Variants in BNC2 observed in about 807,000 individuals in gnomAD.
BNC2 encodes zinc finger protein basonuclin-2.
A neutral mutation model predicts 76.3 loss-of-function variants in BNC2; 20 were observed. The observed-to-expected ratio is 0.26, with a 90% CI of 0.18 to 0.38. The LOEUF (loss-of-function observed/expected upper bound fraction) is 0.38. Ranked by LOEUF, BNC2 falls within the 10% of genes least tolerant of loss-of-function variation. BNC2 has a pLI of 1.00. For synonymous variants in BNC2, 582 were observed against 514.8 expected (o/e 1.13, Z -1.77); for missense variants, 1,382 against 1,399.8 (o/e 0.99, Z 0.20).
intron 3 of BNC2, chr9:16,704,660 A>T (rs1823608688): frequency 7.0e-6 from 1 of 143,512 alleles, no homozygotes; most frequent in Non-Finnish European, 1.5e-5. Flanking sequence ...ACTAATATAA[A>T]CCGTTATTAC....
chr9:16,775,782 T>A, intron 1 of BNC2: 1 of 172,202 alleles, frequency 5.8e-6, no homozygotes. Context: ...TAAGTGTCCT[T>A]CCATCTTGAA....
At chr9:16,637,744 C>T (rs1347667938) in intron 3 of BNC2, among the ~76,000 whole-genome samples, 1 of 152,062 alleles carries the variant, frequency 6.6e-6, no homozygotes, top group African/African-American at 2.4e-5. Flanking sequence ...GAGGAGAGTG[C>T]CCCAGCTACT....
chr9:16,658,176 C>T (rs10756774), intron 3 of BNC2, among the ~76,000 whole-genome samples: 146,311 of 152,266 alleles, frequency 0.96, 70,352 homozygotes, highest in East Asian at 1. Flanking sequence ...ATCAGTAATA[C>T]ATGTAGAATG....
chr9:16,481,109 T>C (rs1397485932), intron 5 of BNC2, among the ~76,000 whole-genome samples: 1 of 152,098 alleles, frequency 6.6e-6, no homozygotes, highest in African/African-American at 2.4e-5. Context: ...TGGGCTCTGG[T>C]GGGGCCTTGG....
chr9:16,810,434 G>T (rs986849480), intron 1 of BNC2, among the ~76,000 whole-genome samples: 1 of 152,166 alleles, frequency 6.6e-6, no homozygotes, highest in East Asian at 1.9e-4. Flanking sequence ...CAGGCTAGGC[G>T]TCCCACAGAG....
intron 5 of BNC2, among the ~76,000 whole-genome samples, chr9:16,544,288 T>C (rs1362050219): frequency 6.6e-6 from 1 of 152,218 alleles, no homozygotes; most frequent in Non-Finnish European, 1.5e-5. Context: ...TCTAGATTCA[T>C]TGATCTTTCT....
At chr9:16,457,900 G>T (rs1343432670) in intron 5 of BNC2, among the ~76,000 whole-genome samples, 2 of 152,128 alleles carry the variant, frequency 1.3e-5, no homozygotes, top group Non-Finnish European at 2.9e-5. Flanking sequence ...AGATGCACTA[G>T]TGTTTCAGAT....
chr9:16,525,020 CTG>C (rs901883424), intron 5 of BNC2, among the ~76,000 whole-genome samples: 5 of 144,894 alleles, frequency 3.5e-5, no homozygotes, highest in African/African-American at 7.5e-5. Context: ...CTGCAGTGAG[CTG>C]TGATAGCGCC....
chr9:16,609,199 A>C (rs182179356), intron 3 of BNC2, among the ~76,000 whole-genome samples: 1 of 152,218 alleles, frequency 6.6e-6, no homozygotes, highest in East Asian at 1.9e-4. Flanking sequence ...CAAAAGTCTC[A>C]GACATGAAAT....
chr9:16,607,835 C>T (rs1820426836), intron 3 of BNC2, among the ~76,000 whole-genome samples: 1 of 152,094 alleles, frequency 6.6e-6, no homozygotes, highest in Non-Finnish European at 1.5e-5. Flanking sequence ...AAATTGATCT[C>T]TTTTTTAAAA....
intron 1 of BNC2, among the ~76,000 whole-genome samples, chr9:16,742,141 G>A (rs1824869995): frequency 6.6e-6 from 1 of 152,078 alleles, no homozygotes; most frequent in Non-Finnish European, 1.5e-5. Flanking sequence ...TCCCAAATTC[G>A]AAGTGTTTAG....
intron 1 of BNC2, among the ~76,000 whole-genome samples, chr9:16,813,427 G>A (rs183732527): frequency 0.012 from 1,770 of 151,844 alleles, 43 homozygotes; most frequent in African/African-American, 0.04. Context: ...CACTACGCCC[G>A]GCTAATTTTT....
At chr9:16,726,087 G>C (rs898039724) in intron 3 of BNC2, among the ~76,000 whole-genome samples, 9 of 151,982 alleles carry the variant, frequency 5.9e-5, no homozygotes, top group Non-Finnish European at 7.4e-5. Context: ...AAGTTATTTG[G>C]TACTAAGGTT....
At chr9:16,755,957 C>T (rs1825372606) in intron 1 of BNC2, among the ~76,000 whole-genome samples, 1 of 152,176 alleles carries the variant, frequency 6.6e-6, no homozygotes, top group Non-Finnish European at 1.5e-5. Context: ...AGTTCAGTCT[C>T]CAGTTTTTAC....
At chr9:16,822,085 T>G (rs1478705818) in intron 1 of BNC2, among the ~76,000 whole-genome samples, 1 of 97,148 alleles carries the variant, frequency 1.0e-5, no homozygotes, top group African/African-American at 4.3e-5. Context: ...AGAGCCAGAC[T>G]CCATCTCAAA....
At chr9:16,583,690 T>G (rs1384367200) in intron 3 of BNC2, among the ~76,000 whole-genome samples, 2 of 152,180 alleles carry the variant, frequency 1.3e-5, no homozygotes, top group Non-Finnish European at 2.9e-5. Flanking sequence ...CTATTTTCGT[T>G]CCTGTTTTGA....
At position 16,417,864 on chromosome 9, in the gene BNC2, C is replaced by A. The variant is rs1820617588; in HGVS notation, c.*1125G>T. The A allele has an allele frequency of 6.6e-6, 1 of 152,618 alleles. No individual in the cohort carries two copies. 9.5% of individuals were successfully genotyped at this position (152,618 alleles called of 1,614,324 possible). On this transcript the variant is annotated 3_prime_UTR_variant, in exon 7 of 7. Transcript: ENST00000380672. ...AAGCAAGAAGGATGCAATGTTGATT[C>A]TAATAACATTCGGCACTTGAAAGAA... is the stretch of plus-strand genomic sequence containing the variant.
At chr9:16,481,923 CTA>C (rs1554648769) in intron 5 of BNC2, among the ~76,000 whole-genome samples, 1 of 152,122 alleles carries the variant, frequency 6.6e-6, no homozygotes, top group Non-Finnish European at 1.5e-5. Flanking sequence ...GAGGGTAATA[CTA>C]TAATCTTAGT....
intron 5 of BNC2, among the ~76,000 whole-genome samples, chr9:16,485,095 CACAGAGACACACACAG>C: frequency 8.4e-6 from 1 of 118,450 alleles, no homozygotes; most frequent in East Asian, 2.4e-4. Flanking sequence ...CACACACACA[CACAGAGACACACACAG>C]ACACACACAC....
Sources: gnomAD v4.1 joint callset for allele counts (sites outside exome capture counted in the v4.1 genomes callset) on GRCh38, gnomAD v4.1.1 for gene constraint, MANE v1.5 for transcripts, NCBI Gene and HGNC (gene_info 2026-07-23, HGNC 2026-07-21) for gene names.